Variants in RB1 observed in about 807,000 individuals in gnomAD.
The protein encoded by RB1 is retinoblastoma-associated protein.
In RB1, 18 loss-of-function variants were observed where a neutral mutation model predicts 135.4. The observed-to-expected ratio is 0.13, with a 90% CI of 0.09 to 0.20. The LOEUF is 0.20. RB1 is among the 10% of genes least tolerant of loss of function. The pLI is 1.00. For synonymous variants in RB1, 365 were observed against 373.2 expected (o/e 0.98, Z 0.25); for missense variants, 868 against 1,110.0 (o/e 0.78, Z 3.10).
chr13:48,435,946 A>G (rs1437842865), intron 17 of RB1, among the ~76,000 whole-genome samples: 1 of 152,246 alleles, frequency 6.6e-6, no homozygotes, highest in East Asian at 1.9e-4. Flanking sequence ...AAGCAGCCCA[A>G]TTAAAAGGCA....
intron 2 of RB1, among the ~76,000 whole-genome samples, chr13:48,322,195 G>A (rs976103578): frequency 6.6e-6 from 1 of 152,042 alleles, no homozygotes; most frequent in Non-Finnish European, 1.5e-5. Context: ...TAGCATAATG[G>A]CCTCCATGTC....
intron 2 of RB1, among the ~76,000 whole-genome samples, chr13:48,333,941 A>C (rs988833615): frequency 2.0e-5 from 3 of 152,190 alleles, no homozygotes; most frequent in Non-Finnish European, 2.9e-5. Flanking sequence ...AGCAAGTCAC[A>C]GTTCAGTTAA....
intron 2 of RB1, among the ~76,000 whole-genome samples, chr13:48,326,615 A>AT (rs199686727): frequency 0.02 from 3,030 of 152,206 alleles, 39 homozygotes; most frequent in Middle Eastern, 0.037. Flanking sequence ...TTCTATATAC[A>AT]TTTCCATTGT....
chr13:48,323,256 A>G (rs1338751066), intron 2 of RB1, among the ~76,000 whole-genome samples: 1 of 151,908 alleles, frequency 6.6e-6, no homozygotes, highest in East Asian at 1.9e-4. Context: ...TATACTTTAT[A>G]TTTTTCTAGG....
chr13:48,306,421 A>C lies in RB1; in HGVS notation c.138-859A>C, dbSNP rs4151425. Among the ~76,000 whole-genome samples, 865 of 152,288 alleles carry C rather than the reference A, an allele frequency of 5.7e-3. 5 individuals are homozygous for C. The highest frequency in any genetic ancestry group is 0.01 in the Middle Eastern group (3 of 294). On this transcript the variant is annotated intron_variant, in intron 1 of 26. Coordinates refer to ENST00000267163, the MANE Select transcript of RB1 (RefSeq NM_000321.3). ...CCCTATTTCAAAACAAGAAAAAAAA[A>C]CAAAAACTAATTATGTTTTGAAGGA...
Position 48,474,890 on chromosome 13 carries a change from T to C in RB1, c.2520+1500T>C, listed in dbSNP as rs1388097195. Among the ~76,000 whole-genome samples the C allele has an allele frequency of 6.6e-5, 10 of 152,272 alleles. No homozygotes were observed. The East Asian group carries it at 1.7e-3, about 26-fold the overall frequency. On this transcript the variant is annotated intron_variant, in intron 24 of 26. Transcript: ENST00000267163. ...CCATCTCCATTCCCCTGAGAGCTTA[T>C]ATTTTTAATTTTTAAATTTTTATTT...
At chr13:48,449,631 G>T (rs141276592) in intron 17 of RB1, among the ~76,000 whole-genome samples, 15 of 152,082 alleles carry the variant, frequency 9.9e-5, no homozygotes, top group Admixed American at 9.8e-4. Flanking sequence ...GCACCATGGC[G>T]CATTCCTATA....
At chr13:48,305,456 C>T (rs989201171) in intron 1 of RB1, among the ~76,000 whole-genome samples, 1 of 152,194 alleles carries the variant, frequency 6.6e-6, no homozygotes, top group African/African-American at 2.4e-5. Flanking sequence ...GTATCCAATT[C>T]TTGCAAATTT....
At chr13:48,317,336 T>C in intron 2 of RB1, 1 of 389,264 alleles carries the variant, frequency 2.6e-6, no homozygotes, top group Non-Finnish European at 4.6e-6. Flanking sequence ...TCTTTCCCGC[T>C]CCCGACGCCC....
intron 17 of RB1, among the ~76,000 whole-genome samples, chr13:48,420,371 T>C (rs1169753477): frequency 1.3e-5 from 2 of 152,216 alleles, no homozygotes; most frequent in African/African-American, 4.8e-5. Context: ...AAACTTCATA[T>C]TGATGGAATG....
chr13:48,338,258 A>G (rs1340927501), intron 2 of RB1, among the ~76,000 whole-genome samples: 1 of 152,142 alleles, frequency 6.6e-6, no homozygotes, highest in East Asian at 1.9e-4. Flanking sequence ...CTCCTGTATA[A>G]TATCCTGCAG....
Position 48,319,284 on chromosome 13 carries a change from G to A in RB1, c.264+11878G>A, listed in dbSNP as rs1566179037. On this transcript the variant is annotated intron_variant, in intron 2 of 26. Transcript: ENST00000267163. The surrounding 1 kb of genome is among the most constrained non-coding windows in gnomAD (Gnocchi z 5.0). ...TGGCGCTGCTTGTGCTGTGTGCGGG[G>A]TCAGGCGTCCTCTCTCCTCCCGGCG... 13 of 753,998 alleles carry A rather than the reference G, an allele frequency of 1.7e-5. No homozygotes were observed. In the East Asian group the frequency reaches 4.9e-4, roughly 28 times the overall value. 46.7% of individuals were successfully genotyped at this position (753,998 alleles called of 1,614,324 possible).
In RB1 at chr13:48,481,266, T is replaced by C. The variant is rs1193184590; in HGVS notation, c.*1195T>C. 1 of 232,064 alleles carries C rather than the reference T, an allele frequency of 4.3e-6. No homozygotes were observed. The highest frequency in any genetic ancestry group is 2.2e-5 in the African/African-American group (1 of 45,290). The allele number at this position is 232,064 out of a possible 1,614,324, so 14.4% of individuals were successfully genotyped here. On this transcript the variant is annotated 3_prime_UTR_variant, in exon 27 of 27. Transcript: ENST00000267163. The stretch of plus-strand genomic sequence containing the variant: ...AATTACAAGTAATCAAGGGTCATTA[T>C]GGGTTAGGCATTAATGTTTCTATCT...
At chr13:48,421,871 G>A (rs1046030574) in intron 17 of RB1, among the ~76,000 whole-genome samples, 2 of 152,208 alleles carry the variant, frequency 1.3e-5, no homozygotes, top group Non-Finnish European at 2.9e-5. Context: ...GGAAACAACA[G>A]ATGCTGGAGA....
intron 9 of RB1, among the ~76,000 whole-genome samples, chr13:48,366,620 T>C (rs955159233): frequency 4.6e-5 from 7 of 152,200 alleles, no homozygotes; most frequent in Non-Finnish European, 8.8e-5. Flanking sequence ...TTACAAATTC[T>C]AGCAATTGAA....
chr13:48,375,050 T>C (rs902236402), intron 12 of RB1, among the ~76,000 whole-genome samples: 2 of 152,162 alleles, frequency 1.3e-5, no homozygotes, highest in Non-Finnish European at 2.9e-5. Flanking sequence ...AATTTCATTC[T>C]TTTTTTATGA....
chr13:48,307,189 A>C (rs948055402), intron 1 of RB1, 91 bp from the exon 2 acceptor site: 3 of 997,006 alleles, frequency 3.0e-6, no homozygotes, highest in Non-Finnish European at 4.7e-6. Flanking sequence ...TTTTCACAGT[A>C]GTGTTATGTG....
chr13:48,359,016 C>T (rs1384860549), intron 6 of RB1, among the ~76,000 whole-genome samples: 2 of 152,090 alleles, frequency 1.3e-5, no homozygotes, highest in African/African-American at 4.8e-5. Flanking sequence ...TCTGTTTTCT[C>T]ACAAAGTTTC....
Position 48,317,566 on chromosome 13 carries a change from G to A in RB1, c.264+10160G>A, listed in dbSNP as rs1250628637. 10 of 430,344 alleles carry A rather than the reference G, an allele frequency of 2.3e-5. No individual in the cohort carries two copies. In the East Asian group the frequency reaches 4.9e-4, roughly 21 times the overall value. 26.7% of individuals were successfully genotyped at this position (430,344 alleles called of 1,614,324 possible). A position where few individuals can be genotyped will look rare whatever the true frequency, so the allele number is the denominator to read the frequency against. ...GGCACTGCTGGGCAGCTGAATAAAAGCACTTCTGGCAGCATGCTCGGCCCC... is the reference window on the plus strand; with the variant it reads ...GGCACTGCTGGGCAGCTGAATAAAAACACTTCTGGCAGCATGCTCGGCCCC... On this transcript the variant is annotated intron_variant, in intron 2 of 26. Coordinates refer to ENST00000267163, the MANE Select transcript of RB1 (RefSeq NM_000321.3).
Sources: allele counts gnomAD v4.1 joint callset (sites outside exome capture counted in the v4.1 genomes callset), GRCh38; gene constraint gnomAD v4.1.1; non-coding constraint Gnocchi (gnomAD v3.1); transcripts MANE v1.5; gene names NCBI Gene and HGNC (gene_info 2026-07-23, HGNC 2026-07-21).